The following ST3GAL3 variants were observed in gnomAD, a reference collection of about 807,000 sequenced individuals.
The protein encoded by ST3GAL3 is CMP-N-acetylneuraminate-beta-1,4-galactoside alpha-2,3-sialyltransferase.
A neutral mutation model predicts 50.1 loss-of-function variants in ST3GAL3; 21 were observed. The ratio of observed to expected loss-of-function variants is 0.42; its 90% confidence interval spans 0.30 to 0.60. The LOEUF is 0.60. ST3GAL3 is among the 20% of genes least tolerant of loss of function. The pLI, the probability that ST3GAL3 is intolerant of heterozygous loss-of-function variation, is 0.19. For synonymous variants in ST3GAL3, 183 were observed against 190.0 expected (o/e 0.96, Z 0.30); for missense variants, 353 against 489.4 (o/e 0.72, Z 2.63).
At chr1:43,918,042 T>G (rs1557544364) in intron 9 of ST3GAL3, among the ~76,000 whole-genome samples, 1 of 151,884 alleles carries the variant, frequency 6.6e-6, no homozygotes, top group African/African-American at 2.4e-5. Flanking sequence ...AGTCAAAACA[T>G]GTCTTTTTAT....
intron 5 of ST3GAL3, among the ~76,000 whole-genome samples, chr1:43,890,075 C>T (rs1286254846): frequency 6.6e-6 from 1 of 152,084 alleles, no homozygotes; most frequent in Non-Finnish European, 1.5e-5. Context: ...AAGATCACAC[C>T]ACTGTACTTT....
intron 6 of ST3GAL3, among the ~76,000 whole-genome samples, chr1:43,894,772 G>T (rs2077150712): frequency 6.6e-6 from 1 of 151,888 alleles, no homozygotes. Context: ...TGGGACCATA[G>T]GCACGCACCA....
chr1:43,792,156 A>G lies in ST3GAL3; in HGVS notation c.166+7A>G, dbSNP rs758114317. The G allele has an allele frequency of 1.9e-6, 3 of 1,613,688 alleles. No individual in the cohort carries two copies. The highest frequency in any genetic ancestry group is 2.5e-6 in the Non-Finnish European group (3 of 1,179,930). On this transcript the variant is annotated splice_region_variant and intron_variant, in intron 3 of 11. Coordinates refer to ENST00000347631, the MANE Select transcript of ST3GAL3 (RefSeq NM_006279.5). The stretch of plus-strand genomic sequence containing the variant: ...GGACAAACACTAGGCTCAGGTACCA[A>G]CTCTTCCCCCTCTATCATCTTTTTG...
Position 43,920,945 on chromosome 1 carries a change from G to C in ST3GAL3, c.1038+17G>C. On this transcript the variant is annotated intron_variant, in intron 11 of 11. Coordinates refer to ENST00000347631, the MANE Select transcript of ST3GAL3 (RefSeq NM_006279.5). Reference sequence around the variant, plus strand: ...ATCAAAGAGGTTCGGGGCTGGGTATGGGGGCAATCCCTGGGTGGGGATGAG... The same window carrying C: ...ATCAAAGAGGTTCGGGGCTGGGTATCGGGGCAATCCCTGGGTGGGGATGAG... 1.3e-6 allele frequency: 2 copies of C among 1,594,242 alleles called. No individual in the cohort carries two copies. Among genetic ancestry groups the C allele is most frequent in the African/African-American group, 1.3e-5 (1 of 74,710 alleles).
chr1:43,750,661 A>T (rs1472461802), intron 2 of ST3GAL3, among the ~76,000 whole-genome samples: 1 of 152,082 alleles, frequency 6.6e-6, no homozygotes, highest in African/African-American at 2.4e-5. Context: ...AGGCTAAGGC[A>T]GGAGGATCTC....
intron 11 of ST3GAL3, among the ~76,000 whole-genome samples, chr1:43,924,611 C>T (rs967727212): frequency 2.0e-5 from 3 of 152,192 alleles, no homozygotes; most frequent in African/African-American, 4.8e-5. Flanking sequence ...GAGGCAGGAA[C>T]AGAACCTAGT....
chr1:43,894,630 T>C (rs1302761735), intron 6 of ST3GAL3, among the ~76,000 whole-genome samples, 153 bp downstream of exon 6: 3 of 151,622 alleles, frequency 2.0e-5, no homozygotes, highest in African/African-American at 7.3e-5. Context: ...CCTTCCTTTT[T>C]TTGTTTGTTT....
chr1:43,792,036 C>T, intron 2 of ST3GAL3, 66 bp from the exon 3 acceptor site: 1 of 1,588,566 alleles, frequency 6.3e-7, no homozygotes, highest in Non-Finnish European at 8.6e-7. Flanking sequence ...TTGGGCAGAG[C>T]CAGTGGGAGC....
intron 9 of ST3GAL3, among the ~76,000 whole-genome samples, chr1:43,915,980 A>T (rs1255853520): frequency 1.3e-5 from 2 of 152,162 alleles, no homozygotes; most frequent in African/African-American, 4.8e-5. Flanking sequence ...TTAGCTGGGC[A>T]TGGTGGCAGG....
chr1:43,880,179 A>G (rs1342214253), intron 5 of ST3GAL3, among the ~76,000 whole-genome samples: 21 of 152,174 alleles, frequency 1.4e-4, no homozygotes, highest in Admixed American at 1.4e-3. Context: ...GGGTGCCACA[A>G]AGTCTGCTGG....
intron 2 of ST3GAL3, among the ~76,000 whole-genome samples, chr1:43,756,156 G>GA (rs1160099826): frequency 6.9e-6 from 1 of 144,696 alleles, no homozygotes; most frequent in East Asian, 2.0e-4. Flanking sequence ...AAAATAAAAG[G>GA]AACAAACTTG....
chr1:43,783,740 C>G (rs1482442077), intron 2 of ST3GAL3, among the ~76,000 whole-genome samples: 1 of 152,044 alleles, frequency 6.6e-6, no homozygotes, highest in African/African-American at 2.4e-5. Context: ...TACACTGCCC[C>G]CACCCCCCGC....
At chr1:43,771,116 C>A (rs1317894311) in intron 2 of ST3GAL3, among the ~76,000 whole-genome samples, 2 of 152,130 alleles carry the variant, frequency 1.3e-5, no homozygotes, top group Non-Finnish European at 2.9e-5. Context: ...ATCAGTTATC[C>A]CCTTCTTTTG....
intron 3 of ST3GAL3, among the ~76,000 whole-genome samples, chr1:43,792,980 T>C (rs923996766): frequency 3.3e-5 from 5 of 152,224 alleles, no homozygotes; most frequent in African/African-American, 9.7e-5. Flanking sequence ...CCAGGGAGAC[T>C]GCTGGCCTGT....
In ST3GAL3 at chr1:43,894,381, AG is replaced by A; in HGVS notation, c.303del. ...ATCCTCAGCAGTCCTGTTATATTCC[AG>A]GTTCTCCAAGCCAGCACCCATGTTC... On this transcript the variant is annotated splice_acceptor_variant, in intron 5 of 11. Transcript: ENST00000347631. LOFTEE classifies it high-confidence loss of function. 1 of 1,614,088 alleles carries A rather than the reference AG, an allele frequency of 6.2e-7. No homozygotes were observed. Among genetic ancestry groups the A allele is most frequent in the Non-Finnish European group, 8.5e-7 (1 of 1,179,954 alleles).
At chr1:43,893,275 C>G (rs897844230) in intron 5 of ST3GAL3, among the ~76,000 whole-genome samples, 1 of 152,202 alleles carries the variant, frequency 6.6e-6, no homozygotes, top group South Asian at 2.1e-4. Context: ...GTGGCTGATT[C>G]AGGGTGAGTT....
rs973888264 is a variant in ST3GAL3, at chr1:43,827,560, C to T, written c.210-10659C>T. Reference sequence around the variant, plus strand: ...CAGGGTTGCCCAGGCTGGAGTGTAGCGGTGCAACCACGGCTCACTGCTGTC... The same window carrying T: ...CAGGGTTGCCCAGGCTGGAGTGTAGTGGTGCAACCACGGCTCACTGCTGTC... On this transcript the variant is annotated intron_variant, in intron 4 of 11. Transcript: ENST00000347631. Among the ~76,000 whole-genome samples the T allele has an allele frequency of 8.4e-4, 128 of 152,086 alleles. 1 individual carries two copies. Among genetic ancestry groups the T allele is most frequent in the African/African-American group, 2.9e-3 (119 of 41,486 alleles).
chr1:43,717,246 C>G (rs1014571913), intron 1 of ST3GAL3, among the ~76,000 whole-genome samples: 1 of 152,172 alleles, frequency 6.6e-6, no homozygotes, highest in Non-Finnish European at 1.5e-5. Flanking sequence ...CCTGTGTGTC[C>G]GCTGCTTTAC....
At chr1:43,785,298 C>T (rs1396532880) in intron 2 of ST3GAL3, among the ~76,000 whole-genome samples, 1 of 152,176 alleles carries the variant, frequency 6.6e-6, no homozygotes, top group Non-Finnish European at 1.5e-5. Context: ...GGAGCCTCTG[C>T]TTCTGAGCTT....
Sources: allele counts gnomAD v4.1 joint callset (sites outside exome capture counted in the v4.1 genomes callset), GRCh38; gene constraint gnomAD v4.1.1; transcripts MANE v1.5; gene names NCBI Gene and HGNC (gene_info 2026-07-23, HGNC 2026-07-21).